CYYR1: variants seen among roughly 807,000 people sequenced by gnomAD.
CYYR1 encodes cysteine and tyrosine-rich protein 1.
CYYR1 carries 14 observed loss-of-function variants against 15.2 expected under a neutral mutation model. The observed-to-expected ratio is 0.92, with a 90% CI of 0.61 to 1.44. CYYR1 has a LOEUF of 1.44. Among genes scored for constraint, CYYR1 ranks in the 40% most tolerant of loss-of-function variants. The pLI is 0.00. For missense variants in CYYR1, 228 were observed against 209.5 expected (o/e 1.09, Z -0.54); for synonymous variants, 80 against 77.4 (o/e 1.03, Z -0.18).
At chr21:26,499,201 G>T (rs1172556158) in intron 2 of CYYR1, among the ~76,000 whole-genome samples, 1 of 152,154 alleles carries the variant, frequency 6.6e-6, no homozygotes, top group Admixed American at 6.5e-5. Context: ...TACATTGAGG[G>T]TCTTGAGGTG....
chr21:26,544,705 A>G (rs1978827560), intron 2 of CYYR1, among the ~76,000 whole-genome samples: 2 of 152,244 alleles, frequency 1.3e-5, no homozygotes, highest in Non-Finnish European at 2.9e-5. Context: ...AACATTATTT[A>G]AATAAATTCT....
At chr21:26,570,858 A>G (rs1980964306) in intron 1 of CYYR1, among the ~76,000 whole-genome samples, 1 of 152,094 alleles carries the variant, frequency 6.6e-6, no homozygotes, top group Non-Finnish European at 1.5e-5. Context: ...CTTTGATCAC[A>G]CGATATCCTA....
intron 2 of CYYR1, among the ~76,000 whole-genome samples, chr21:26,528,816 C>T (rs958801200): frequency 3.3e-5 from 5 of 152,072 alleles, no homozygotes; most frequent in South Asian, 2.1e-4. Context: ...CCTACAGTTA[C>T]GGGAGCTTAA....
chr21:26,572,850 C>T lies in CYYR1; in HGVS notation c.73+18G>A, dbSNP rs1033699297. The T allele has an allele frequency of 1.9e-6, 3 of 1,612,900 alleles. No homozygotes were observed. The highest frequency in any genetic ancestry group is 1.6e-4 in the Middle Eastern group (1 of 6,070). On this transcript the variant is annotated intron_variant, in intron 1 of 3. Transcript: ENST00000652641. ...AGCCCCGAGCCTCTGACCCTCTCCGCCGCCCTCCGTCACTGACCTGCGTAG... is the reference window on the plus strand; with the variant it reads ...AGCCCCGAGCCTCTGACCCTCTCCGTCGCCCTCCGTCACTGACCTGCGTAG...
At chr21:26,478,047 G>T in intron 3 of CYYR1, 1 of 1,548,174 alleles carries the variant, frequency 6.5e-7, no homozygotes, top group Non-Finnish European at 8.7e-7. Flanking sequence ...TCAGCTGAGT[G>T]CCCATTATGT....
At chr21:26,526,453 C>A (rs1039802905) in intron 2 of CYYR1, among the ~76,000 whole-genome samples, 1 of 151,766 alleles carries the variant, frequency 6.6e-6, no homozygotes, top group African/African-American at 2.4e-5. Flanking sequence ...GGCCCCACCC[C>A]CCAACAACAA....
chr21:26,520,932 A>T (rs2065796988), intron 2 of CYYR1, among the ~76,000 whole-genome samples: 1 of 152,202 alleles, frequency 6.6e-6, no homozygotes, highest in Admixed American at 6.5e-5. Flanking sequence ...TGATGCAGGA[A>T]CAGAAAACCA....
chr21:26,509,026 G>A (rs1052968150), intron 2 of CYYR1, among the ~76,000 whole-genome samples: 7 of 152,126 alleles, frequency 4.6e-5, no homozygotes, highest in African/African-American at 1.7e-4. Flanking sequence ...TTAGAAAACA[G>A]TCCTCTAAAA....
chr21:26,468,384 A>G lies in CYYR1; in HGVS notation c.*117T>C, dbSNP rs2064993054. Reference sequence around the variant, plus strand: ...CTAGCAGGGATATTCCACCTGACACATTATCTGACCCCAAAAAGTATTCCT... The same window carrying G: ...CTAGCAGGGATATTCCACCTGACACGTTATCTGACCCCAAAAAGTATTCCT... On this transcript the variant is annotated 3_prime_UTR_variant, in exon 4 of 4. Transcript: ENST00000652641. 1.3e-6 allele frequency: 1 copy of G among 782,888 alleles called. No individual in the cohort carries two copies. The highest frequency in any genetic ancestry group is 1.4e-5 in the South Asian group (1 of 71,822). 48.5% of individuals were successfully genotyped at this position (782,888 alleles called of 1,614,324 possible).
chr21:26,474,667 C>T lies in CYYR1; in HGVS notation c.334+5605G>A, dbSNP rs77787887. On this transcript the variant is annotated intron_variant, in intron 3 of 3. Coordinates refer to ENST00000652641, the MANE Select transcript of CYYR1 (RefSeq NM_001320768.2). The stretch of plus-strand genomic sequence containing the variant: ...TTGTGATTTCAACATCCACCTAACC[C>T]TGCCTCTCAAGTCCCTTGACTATTT... 3.6e-4 allele frequency among the ~76,000 whole-genome samples: 55 copies of T among 152,238 alleles called. 2 individuals are homozygous for T. The East Asian group carries it at 0.01, about 29-fold the overall frequency.
At chr21:26,481,159 A>G (rs932234641) in intron 2 of CYYR1, among the ~76,000 whole-genome samples, 2 of 152,172 alleles carry the variant, frequency 1.3e-5, no homozygotes, top group East Asian at 3.9e-4. Flanking sequence ...TTTGTAGGTA[A>G]CTACATTTTT....
At chr21:26,486,099 C>A (rs1198838854) in intron 2 of CYYR1, among the ~76,000 whole-genome samples, 1 of 152,026 alleles carries the variant, frequency 6.6e-6, no homozygotes, top group African/African-American at 2.4e-5. Context: ...AAATGTCCAC[C>A]TGAGTCTTTT....
At chr21:26,567,526 T>C (rs1980717536) in intron 1 of CYYR1, among the ~76,000 whole-genome samples, 1 of 152,196 alleles carries the variant, frequency 6.6e-6, no homozygotes, top group South Asian at 2.1e-4. Context: ...AAGCAAAGGT[T>C]GTCACTGACT....
At chr21:26,528,893 T>C (rs1484172984) in intron 2 of CYYR1, among the ~76,000 whole-genome samples, 1 of 152,178 alleles carries the variant, frequency 6.6e-6, no homozygotes, top group African/African-American at 2.4e-5. Context: ...CAAAAAGATC[T>C]CTTATAAGCC....
intron 2 of CYYR1, among the ~76,000 whole-genome samples, chr21:26,490,237 T>C (rs1017500241): frequency 1.3e-5 from 2 of 151,928 alleles, no homozygotes; most frequent in Admixed American, 6.6e-5. Flanking sequence ...GAGGCAGAGG[T>C]TGCAGTGAGC....
chr21:26,501,135 C>T (rs910919408), intron 2 of CYYR1, among the ~76,000 whole-genome samples: 2 of 152,070 alleles, frequency 1.3e-5, no homozygotes, highest in Admixed American at 1.3e-4. Flanking sequence ...GTCAGGAGAT[C>T]GAGACCATCC....
intron 2 of CYYR1, among the ~76,000 whole-genome samples, chr21:26,504,023 A>G (rs1470137095): frequency 1.3e-5 from 2 of 152,164 alleles, no homozygotes; most frequent in East Asian, 1.9e-4. Flanking sequence ...AATAAATGGC[A>G]TAAGGATACT....
At chr21:26,551,079 G>C (rs1979352488) in intron 2 of CYYR1, 1 of 152,672 alleles carries the variant, frequency 6.5e-6, no homozygotes, top group Non-Finnish European at 1.5e-5. Context: ...GGATCCTTAA[G>C]AACTGTGCTA....
At chr21:26,468,686 C>T (rs1601716253) in intron 3 of CYYR1, 52 bp from the exon 4 acceptor site, 12 of 1,416,958 alleles carry the variant, frequency 8.5e-6, no homozygotes, top group African/African-American at 2.8e-5. Flanking sequence ...ATTTGCATTT[C>T]TACTGTGTTG....
Sources: allele counts gnomAD v4.1 joint callset (sites outside exome capture counted in the v4.1 genomes callset), GRCh38; gene constraint gnomAD v4.1.1; transcripts MANE v1.5; gene names NCBI Gene and HGNC (gene_info 2026-07-23, HGNC 2026-07-21).